The following UNC13B variants were observed in gnomAD, a reference collection of about 807,000 sequenced individuals.
UNC13B encodes the protein unc-13 homolog B.
In UNC13B, 144 loss-of-function variants were observed where a neutral mutation model predicts 211.0. The observed-to-expected ratio is 0.68, with a 90% CI of 0.60 to 0.78. The LOEUF is 0.78. Ranked by LOEUF, UNC13B falls within the 30% of genes least tolerant of loss-of-function variation. UNC13B has a pLI of 0.00. For missense variants in UNC13B, 1,777 were observed against 2,002.0 expected, an observed-to-expected ratio of 0.89 and a Z score of 2.14; for synonymous variants, 709 against 725.8, an observed-to-expected ratio of 0.98 and a Z score of 0.37.
At chr9:35,213,333 A>G (rs1045766598) in intron 1 of UNC13B, among the ~76,000 whole-genome samples, 2 of 151,912 alleles carry the variant, frequency 1.3e-5, no homozygotes, top group Middle Eastern at 3.4e-3. Context: ...TCTCCCCTGC[A>G]TCTGGTATCA....
intron 11 of UNC13B, chr9:35,351,764 C>CA: frequency 8.1e-7 from 1 of 1,232,276 alleles, no homozygotes; most frequent in African/African-American, 1.5e-5. Flanking sequence ...CTTTGGGCAG[C>CA]AGAACAACAG....
intron 11 of UNC13B, among the ~76,000 whole-genome samples, chr9:35,357,612 G>A (rs1236305917): frequency 6.8e-6 from 1 of 146,802 alleles, no homozygotes; most frequent in Non-Finnish European, 1.5e-5. Flanking sequence ...TATTGGCCAG[G>A]TCTGTTGGCT....
chr9:35,307,483 G>A lies in UNC13B; in HGVS notation c.8079G>A (p.Glu2693=), dbSNP rs1829982357. Reference sequence around the variant, plus strand: ...CCTCCACAAACCAAGACTTACTGGAGCTGCATCCAGCCAGTTCACTAGAAA... The same window carrying A: ...CCTCCACAAACCAAGACTTACTGGAACTGCATCCAGCCAGTTCACTAGAAA... ...QTASTNQDLL[E]LHPASSLETD... The change falls in exon 9 of 40, where the codon GAG becomes GAA. Residue 2693 remains glutamate, a synonymous_variant. Transcript: ENST00000635942. The A allele has an allele frequency of 2.5e-6, 1 of 398,942 alleles. No homozygotes were observed. The highest frequency in any genetic ancestry group is 4.4e-5 in the Admixed American group (1 of 22,706). The allele number at this position is 398,942 out of a possible 1,614,324, so 24.7% of individuals were successfully genotyped here.
intron 15 of UNC13B, among the ~76,000 whole-genome samples, chr9:35,377,027 C>T (rs1834463668): frequency 6.6e-6 from 1 of 152,214 alleles, no homozygotes; most frequent in African/African-American, 2.4e-5. Flanking sequence ...GCACTGAAAG[C>T]TTTAAAGATT....
chr9:35,400,714 A>G (rs935103233), intron 37 of UNC13B, among the ~76,000 whole-genome samples: 2 of 152,248 alleles, frequency 1.3e-5, no homozygotes, highest in African/African-American at 4.8e-5. Context: ...AAACTCAAGG[A>G]ATATACCCTG....
At chr9:35,181,294 G>A (rs4879877) in intron 1 of UNC13B, among the ~76,000 whole-genome samples, 124,594 of 152,106 alleles carry the variant, frequency 0.82, 51,281 homozygotes, top group East Asian at 0.98. Context: ...TTTTAAGCAA[G>A]TCTCTTAGAG....
intron 13 of UNC13B, among the ~76,000 whole-genome samples, chr9:35,371,729 C>T (rs1393918681): frequency 6.6e-6 from 1 of 152,070 alleles, no homozygotes; most frequent in African/African-American, 2.4e-5. Context: ...TGGCATAATA[C>T]TCCTTAGAGT....
chr9:35,230,934 G>A (rs1322622666), intron 2 of UNC13B, among the ~76,000 whole-genome samples, 186 bp from the exon 3 acceptor site: 6 of 152,088 alleles, frequency 3.9e-5, no homozygotes, highest in African/African-American at 1.4e-4. Flanking sequence ...CTTGAAGATA[G>A]CACGTAGTTT....
At chr9:35,329,663 A>T (rs1000436128) in intron 11 of UNC13B, among the ~76,000 whole-genome samples, 3 of 151,332 alleles carry the variant, frequency 2.0e-5, no homozygotes, top group Non-Finnish European at 4.4e-5. Context: ...AATTTTTTAT[A>T]TTTTTTGTGG....
rs1835423473 is a variant in UNC13B at position 35,389,915 on chromosome 9, A to G, written c.11164A>G (p.Thr3722Ala). ...CCTGGATTTCTGGCCCAAGCTCATCACACTCATCGTGTCAATCATAGAGGA... is the reference window on the plus strand; with the variant it reads ...CCTGGATTTCTGGCCCAAGCTCATCGCACTCATCGTGTCAATCATAGAGGA... ...RNLDFWPKLI[T>A]LIVSIIEEDK... Residue 3722 changes from threonine (T) to alanine (A), a missense_variant, in exon 25 of 40, where the codon ACA becomes GCA. By Grantham distance (58) the Thr-to-Ala change is moderately conservative. Transcript: ENST00000635942. 1 of 1,613,996 alleles carries G rather than the reference A, an allele frequency of 6.2e-7. No individual in the cohort carries two copies. Among genetic ancestry groups the G allele is most frequent in the Admixed American group, 1.7e-5 (1 of 60,008 alleles).
At chr9:35,248,487 C>G (rs935943912) in intron 6 of UNC13B, among the ~76,000 whole-genome samples, 14 of 151,896 alleles carry the variant, frequency 9.2e-5, no homozygotes, top group Admixed American at 2.0e-4. Context: ...TCTCTTGTGG[C>G]CATTTAGTGC....
intron 11 of UNC13B, among the ~76,000 whole-genome samples, chr9:35,339,083 T>C (rs1476586157): frequency 6.6e-6 from 1 of 152,210 alleles, no homozygotes; most frequent in Non-Finnish European, 1.5e-5. Flanking sequence ...CAGTGTATCA[T>C]GTTGAGTTTC....
chr9:35,337,047 T>TG (rs1831702768), intron 11 of UNC13B, among the ~76,000 whole-genome samples: 1 of 151,614 alleles, frequency 6.6e-6, no homozygotes, highest in Admixed American at 6.6e-5. Flanking sequence ...CCTCTAGACA[T>TG]GGGCAGGTCA....
chr9:35,398,420 G>A lies in UNC13B; in HGVS notation c.11832+132G>A, dbSNP rs535680580. 14 of 1,352,680 alleles carry A rather than the reference G, an allele frequency of 1.0e-5. 1 individual carries two copies. The South Asian group carries it at 1.5e-4, about 15-fold the overall frequency. 83.8% of individuals were successfully genotyped at this position (1,352,680 alleles called of 1,614,324 possible). A position where few individuals can be genotyped will look rare whatever the true frequency, so the allele number is the denominator to read the frequency against. ...GGGGTCTGGGCTGGCTTAATCTGAG[G>A]TAGGCATTCGGGTAAGGCCCTGCGA... On this transcript the variant is annotated intron_variant, in intron 31 of 39. Transcript: ENST00000635942.
chr9:35,352,307 T>A (rs559029099), intron 11 of UNC13B: 2 of 1,232,046 alleles, frequency 1.6e-6, no homozygotes, highest in Non-Finnish European at 2.0e-6. Flanking sequence ...TAAAAAGGCT[T>A]ACAGGGCAGG....
intron 6 of UNC13B, among the ~76,000 whole-genome samples, chr9:35,249,199 T>A (rs893764084): frequency 4.6e-5 from 7 of 152,128 alleles, no homozygotes; most frequent in East Asian, 3.9e-4. Context: ...TTTGTTTTCC[T>A]TTTGCTTGGT....
chr9:35,270,666 AAT>A (rs1424882698), intron 7 of UNC13B, among the ~76,000 whole-genome samples: 1 of 152,202 alleles, frequency 6.6e-6, no homozygotes, highest in African/African-American at 2.4e-5. Context: ...AAAATTTTAT[AAT>A]GTCATCAGTA....
rs754337397 is a variant in UNC13B at position 35,236,612 on chromosome 9, A to G, written c.270+26A>G. On this transcript the variant is annotated intron_variant, in intron 4 of 39. Coordinates refer to ENST00000635942, the MANE Select transcript of UNC13B (RefSeq NM_001371189.2). ...GTCAGTCATTGCATTTTCTGTTTGG[A>G]AGTATGGTTCCCAGCCCATGCTTCT... is the stretch of plus-strand genomic sequence containing the variant. 4.4e-6 allele frequency: 7 copies of G among 1,596,386 alleles called. No individual in the cohort carries two copies. In the South Asian group the frequency reaches 7.7e-5, roughly 18 times the overall value.
chr9:35,328,642 T>TC (rs1831167915), intron 11 of UNC13B, among the ~76,000 whole-genome samples: 6 of 84,404 alleles, frequency 7.1e-5, no homozygotes, highest in South Asian at 4.3e-4. Context: ...CTTCCTTCCT[T>TC]CCTTCCTTCC....
Sources: gnomAD v4.1 joint callset for allele counts (sites outside exome capture counted in the v4.1 genomes callset) on GRCh38, gnomAD v4.1.1 for gene constraint, MANE v1.5 for transcripts, NCBI Gene and HGNC (gene_info 2026-07-23, HGNC 2026-07-21) for gene names.